PCBD2: variants seen among roughly 807,000 people sequenced by gnomAD.
The protein encoded by PCBD2 is pterin-4-alpha-carbinolamine dehydratase 2.
Under a neutral mutation model 16.4 loss-of-function variants are expected in PCBD2, and 12 were observed. The ratio of observed to expected loss-of-function variants is 0.73; its 90% CI spans 0.47 to 1.19. PCBD2 has a LOEUF of 1.19. Ranked by LOEUF, PCBD2 falls within the 50% of genes most tolerant of loss-of-function variation. The pLI is 0.00. For synonymous variants in PCBD2, 58 were observed against 61.8 expected (o/e 0.94, Z 0.29); for missense variants, 138 against 156.8 (o/e 0.88, Z 0.64).
chr5:134,905,198 G>T lies in PCBD2; in HGVS notation c.59G>T (p.Gly20Val), dbSNP rs967072837. ...ATRRLLAALR[G>V]QSLGLAAMSS... Reference sequence around the variant, plus strand: ...CGGCGCTTGTTGGCGGCGCTGCGAGGCCAGAGCCTAGGGCTAGCGGCCATG... The same window carrying T: ...CGGCGCTTGTTGGCGGCGCTGCGAGTCCAGAGCCTAGGGCTAGCGGCCATG... The change falls in exon 1 of 4, where the codon GGC becomes GTC. Residue 20 changes from glycine (G) to valine (V), a missense_variant. Transcript: ENST00000254908. The T allele has an allele frequency of 4.1e-6, 5 of 1,224,210 alleles. No homozygotes were observed. The African/African-American group carries it at 7.8e-5, about 19-fold the overall frequency. The allele number at this position is 1,224,210 out of a possible 1,614,324, so 75.8% of individuals were successfully genotyped here.
At chr5:134,928,189 G>C in intron 2 of PCBD2, 1 of 390,222 alleles carries the variant, frequency 2.6e-6, no homozygotes, top group Non-Finnish European at 4.5e-6. Flanking sequence ...TGAGGGTTAT[G>C]AGAGTGGCTA....
In PCBD2 at chr5:134,925,265, C is replaced by T. The variant is rs1453462081; in HGVS notation, c.216+14799C>T. On this transcript the variant is annotated intron_variant, in intron 2 of 3. Transcript: ENST00000254908. Reference sequence around the variant, plus strand: ...CAGGCGTTTGTGTATGATATGTTTGCGGTTTCGATGATGTGGTCTTTGGAG... The same window carrying T: ...CAGGCGTTTGTGTATGATATGTTTGTGGTTTCGATGATGTGGTCTTTGGAG... 53 of 398,448 alleles carry T rather than the reference C, an allele frequency of 1.3e-4. No individual in the cohort carries two copies. In the East Asian group the frequency reaches 1.8e-3, roughly 13 times the overall value. 24.7% of individuals were successfully genotyped at this position (398,448 alleles called of 1,614,324 possible).
rs756935056 is a variant in PCBD2 at position 134,910,387 on chromosome 5, A to C, written c.137A>C (p.Asp46Ala). ...GAGGAGAGGAACCAAGCTATACTTGACCTTAAAGCAGCAGGATGGTCGGAA... is the reference window on the plus strand; with the variant it reads ...GAGGAGAGGAACCAAGCTATACTTGCCCTTAAAGCAGCAGGATGGTCGGAA... ...TAEERNQAIL[D>A]LKAAGWSELS... is the part of the protein sequence containing the mutation. Residue 46 changes from aspartate to alanine, a missense_variant, in exon 2 of 4, where the codon GAC (aspartate) becomes GCC (alanine). Transcript: ENST00000254908. 6 of 1,614,054 alleles carry C rather than the reference A, an allele frequency of 3.7e-6. No individual in the cohort carries two copies. Among genetic ancestry groups the C allele is most frequent in the Non-Finnish European group, 5.1e-6 (6 of 1,179,878 alleles).
intron 2 of PCBD2, among the ~76,000 whole-genome samples, chr5:134,945,254 A>T (rs1006039098): frequency 2.0e-5 from 3 of 152,128 alleles, no homozygotes; most frequent in African/African-American, 7.2e-5. Flanking sequence ...CTCTGATGGG[A>T]TTGCAAATGA....
At chr5:134,942,371 C>G (rs1444486752) in intron 2 of PCBD2, among the ~76,000 whole-genome samples, 1 of 152,054 alleles carries the variant, frequency 6.6e-6, no homozygotes. Flanking sequence ...GTTCTCTTCT[C>G]TGTAAAATAG....
chr5:134,930,081 G>A (rs1751074957), intron 2 of PCBD2, among the ~76,000 whole-genome samples: 1 of 152,210 alleles, frequency 6.6e-6, no homozygotes, highest in Non-Finnish European at 1.5e-5. Context: ...GGCAACTGAA[G>A]CCCAGGGGTA....
chr5:134,945,835 TAAG>T (rs1561913945), intron 2 of PCBD2, among the ~76,000 whole-genome samples: 2 of 152,152 alleles, frequency 1.3e-5, no homozygotes, highest in Non-Finnish European at 2.9e-5. Context: ...GTAGTGATGT[TAAG>T]AAGTAACAGA....
rs1751485583 is a variant in PCBD2, at chr5:134,962,108, T to TGTGTGTGTGTGTG, written c.*1427_*1428insGTGTGTGTGTGTG. On this transcript the variant is annotated 3_prime_UTR_variant, in exon 4 of 4. Coordinates refer to ENST00000254908, the MANE Select transcript of PCBD2 (RefSeq NM_032151.5). ...TGTGTGTGTGTGTGTGTGTGTGTGT[T>TGTGTGTGTGTGTG]TGACACGGGGTCTCATTCTGTTGCC... is the stretch of plus-strand genomic sequence containing the variant. 8.0e-6 allele frequency among the ~76,000 whole-genome samples: 1 copy of TGTGTGTGTGTGTG among 125,322 alleles called. No homozygotes were observed. The highest frequency in any genetic ancestry group is 1.7e-5 in the Non-Finnish European group (1 of 57,912). 82.2% of individuals were successfully genotyped at this position (125,322 alleles called of 152,430 possible). A position where few individuals can be genotyped will look rare whatever the true frequency, so the allele number is the denominator to read the frequency against.
chr5:134,916,776 A>G (rs1750839031), intron 2 of PCBD2, among the ~76,000 whole-genome samples: 1 of 152,238 alleles, frequency 6.6e-6, no homozygotes. Flanking sequence ...AAGTAGCCAT[A>G]GGTGTCAGTT....
At chr5:134,960,274 A>T (rs963476897) in intron 3 of PCBD2, among the ~76,000 whole-genome samples, 2 of 152,152 alleles carry the variant, frequency 1.3e-5, no homozygotes, top group Non-Finnish European at 1.5e-5. Flanking sequence ...CGAGAGTTCA[A>T]TTGGAACCTC....
chr5:134,912,314 G>A (rs1750779458), intron 2 of PCBD2, among the ~76,000 whole-genome samples: 1 of 152,216 alleles, frequency 6.6e-6, no homozygotes, highest in Non-Finnish European at 1.5e-5. Flanking sequence ...ACCATGGCCT[G>A]TAATGGTAAC....
chr5:134,927,869 G>GAAGGATAAGGA, intron 2 of PCBD2: 1 of 396,794 alleles, frequency 2.5e-6, no homozygotes, highest in Middle Eastern at 6.3e-4. Flanking sequence ...GGTCGGAGGA[G>GAAGGATAAGGA]AAGGATAAGG....
At chr5:134,935,515 A>G (rs746465793) in intron 2 of PCBD2, among the ~76,000 whole-genome samples, 2 of 152,234 alleles carry the variant, frequency 1.3e-5, no homozygotes, top group East Asian at 1.9e-4. Flanking sequence ...TATGAATGCA[A>G]TAATGATTCA....
At chr5:134,906,266 C>T (rs1750688788) in intron 1 of PCBD2, among the ~76,000 whole-genome samples, 1 of 133,950 alleles carries the variant, frequency 7.5e-6, no homozygotes, top group Admixed American at 8.6e-5. Context: ...TGCAGTGGCG[C>T]GATCTCGGCG....
intron 2 of PCBD2, among the ~76,000 whole-genome samples, chr5:134,950,785 A>G (rs759549505): frequency 6.6e-6 from 1 of 152,190 alleles, no homozygotes; most frequent in Non-Finnish European, 1.5e-5. Flanking sequence ...GTAATTTGCA[A>G]TAGAGGAAAG....
At chr5:134,906,887 A>T (rs568897884) in intron 1 of PCBD2, among the ~76,000 whole-genome samples, 1 of 152,268 alleles carries the variant, frequency 6.6e-6, no homozygotes, top group Non-Finnish European at 1.5e-5. Context: ...CCTACCCCCC[A>T]TCCCCTGAAA....
rs17167736 is a variant in PCBD2 at position 134,949,985 on chromosome 5, T to C, written c.217-9055T>C. On this transcript the variant is annotated intron_variant, in intron 2 of 3. Transcript: ENST00000254908. Reference sequence around the variant, plus strand: ...ATTACTTTAATTGATCACAAGATAGTTTCCTTGATCACCAATTAGAGTAAA... The same window carrying C: ...ATTACTTTAATTGATCACAAGATAGCTTCCTTGATCACCAATTAGAGTAAA... Among the ~76,000 whole-genome samples, 1,025 of 152,354 alleles carry C rather than the reference T, an allele frequency of 6.7e-3. 9 individuals carry two copies. Among genetic ancestry groups the C allele is most frequent in the African/African-American group, 0.024 (983 of 41,570 alleles).
intron 3 of PCBD2, 51 bp downstream of exon 3, chr5:134,959,171 A>G (rs1182164361): frequency 7.5e-7 from 1 of 1,341,224 alleles, no homozygotes; most frequent in Non-Finnish European, 1.1e-6. Flanking sequence ...AGTTTAAGAA[A>G]CTTCTTTCTT....
At position 134,912,156 on chromosome 5, in the gene PCBD2, C is replaced by CT. The variant is rs570815570; in HGVS notation, c.216+1699dup. On this transcript the variant is annotated intron_variant, in intron 2 of 3. Transcript: ENST00000254908. ...TCACTGGGGCATTTAATTAAGTAGA[C>CT]TTTTTTTTTCCCATTCACCCAACTT... is the stretch of plus-strand genomic sequence containing the variant. Among the ~76,000 whole-genome samples the CT allele has an allele frequency of 5.7e-3, 865 of 151,846 alleles. 8 individuals are homozygous for CT. The highest frequency in any genetic ancestry group is 0.02 in the African/African-American group (825 of 41,396).
Sources: gnomAD v4.1 joint callset for allele counts (sites outside exome capture counted in the v4.1 genomes callset) on GRCh38, gnomAD v4.1.1 for gene constraint, MANE v1.5 for transcripts, NCBI Gene and HGNC (gene_info 2026-07-23, HGNC 2026-07-21) for gene names.